Variants in RAI14 observed in about 807,000 individuals in gnomAD.
RAI14 encodes ankycorbin.
In RAI14, 45 loss-of-function variants were observed where a neutral mutation model predicts 115.4. The ratio of observed to expected loss-of-function variants is 0.39; its 90% confidence interval spans 0.31 to 0.50. RAI14 has a LOEUF of 0.50. RAI14 is among the 20% of genes least tolerant of loss of function. The probability of loss-of-function intolerance (pLI) is 0.85; values close to 1 mark genes in which losing one functional copy is unlikely to be tolerated. For missense variants in RAI14, 939 were observed against 1,131.2 expected, an observed-to-expected ratio of 0.83 and a Z score of 2.44; for synonymous variants, 371 against 415.4, an observed-to-expected ratio of 0.89 and a Z score of 1.30.
At chr5:34,690,858 G>C (rs992930806) in intron 2 of RAI14, among the ~76,000 whole-genome samples, 1 of 152,146 alleles carries the variant, frequency 6.6e-6, no homozygotes, top group East Asian at 1.9e-4. Context: ...ATAGGATACA[G>C]GAGAAATGCA....
Position 34,823,465 on chromosome 5 carries a change from T to G in RAI14, c.1623T>G (p.Asn541Lys), listed in dbSNP as rs975168086. The G allele has an allele frequency of 1.2e-6, 2 of 1,613,820 alleles. No homozygotes were observed. The highest frequency in any genetic ancestry group is 1.3e-5 in the African/African-American group (1 of 74,828). ...EINVLKQDLQNALEESERNKE... is the reference protein window; with the variant it reads ...EINVLKQDLQKALEESERNKE... ...ATGTGCTAAAGCAGGATCTGCAGAA[T>G]GCATTAGAAGAAAGTGAAAGAAATA... The change falls in exon 15 of 18, where the codon AAT (asparagine) becomes AAG (lysine). Residue 541 changes from asparagine to lysine, a missense_variant. By Grantham distance (94) the Asn-to-Lys change is moderately conservative. Coordinates refer to ENST00000265109, the MANE Select transcript of RAI14 (RefSeq NM_015577.3). This position sits in a 1 kb window ranked among gnomAD's most constrained non-coding sequence, Gnocchi z 4.5.
At chr5:34,674,535 C>A (rs897731824) in intron 1 of RAI14, among the ~76,000 whole-genome samples, 1 of 151,924 alleles carries the variant, frequency 6.6e-6, no homozygotes, top group Non-Finnish European at 1.5e-5. Flanking sequence ...TTTTTCATAA[C>A]CAATTCCTTT....
At chr5:34,683,094 G>A (rs956169943) in intron 1 of RAI14, among the ~76,000 whole-genome samples, 10 of 152,228 alleles carry the variant, frequency 6.6e-5, no homozygotes, top group African/African-American at 2.4e-4. Flanking sequence ...CGTTATTCCA[G>A]GGGCCACATT....
At position 34,824,395 on chromosome 5, in the gene RAI14, ACTT is replaced by A. The variant is rs1300560858; in HGVS notation, c.2556_2558del (p.Leu853del). On this transcript the variant is annotated inframe_deletion, in exon 15 of 18. Transcript: ENST00000265109. The stretch of plus-strand genomic sequence containing the variant: ...AATCCAAAGAGCAAGAAGTAAATGA[ACTT>A]CTGCAAAAATTCCAGCAAGCTCAGG... The A allele has an allele frequency of 1.2e-6, 2 of 1,609,992 alleles. No individual in the cohort carries two copies. The highest frequency in any genetic ancestry group is 1.7e-6 in the Non-Finnish European group (2 of 1,176,760).
Position 34,826,827 on chromosome 5 carries a change from G to C in RAI14, c.2799+348G>C, listed in dbSNP as rs920890935. On this transcript the variant is annotated intron_variant, in intron 16 of 17. Transcript: ENST00000265109. ...CTGGCAGTGGCAAGAGCTTTTTCTTGTTAGGGGCCAGGATCTCTAGTAGTT... is the reference window on the plus strand; with the variant it reads ...CTGGCAGTGGCAAGAGCTTTTTCTTCTTAGGGGCCAGGATCTCTAGTAGTT... 1.4e-4 allele frequency among the ~76,000 whole-genome samples: 22 copies of C among 152,094 alleles called. 1 individual carries two copies. The highest frequency in any genetic ancestry group is 2.1e-4 in the South Asian group (1 of 4,830).
chr5:34,705,884 T>G (rs1245622411), intron 2 of RAI14, among the ~76,000 whole-genome samples: 2 of 152,194 alleles, frequency 1.3e-5, no homozygotes, highest in Non-Finnish European at 2.9e-5. Context: ...TGACCTCAGA[T>G]GATCTGCCCA....
At chr5:34,696,281 G>A (rs895277551) in intron 2 of RAI14, among the ~76,000 whole-genome samples, 1 of 152,116 alleles carries the variant, frequency 6.6e-6, no homozygotes, top group Admixed American at 6.5e-5. Context: ...GGGACTACAG[G>A]TGCCTGCCAC....
At chr5:34,814,390 C>G (rs1755941513) in intron 11 of RAI14, among the ~76,000 whole-genome samples, 193 bp from the exon 12 acceptor site, 1 of 152,154 alleles carries the variant, frequency 6.6e-6, no homozygotes, top group Admixed American at 6.5e-5. Context: ...CAGTTATATT[C>G]TGTAAACTTT....
In RAI14 at chr5:34,824,113, C is replaced by T. The variant is rs368732461; in HGVS notation, c.2271C>T (p.His757=). 2 of 1,614,076 alleles carry T rather than the reference C, an allele frequency of 1.2e-6. No homozygotes were observed. Among genetic ancestry groups the T allele is most frequent in the Non-Finnish European group, 1.7e-6 (2 of 1,179,948 alleles). Residue 757 remains histidine (H), a synonymous_variant, in exon 15 of 18, where the codon CAC becomes CAT. Coordinates refer to ENST00000265109, the MANE Select transcript of RAI14 (RefSeq NM_015577.3). ...MEEKISNLKE[H]LASKEVEVAK... ...AAAAAATAAGCAATCTTAAGGAACA[C>T]CTTGCAAGCAAGGAAGTGGAAGTAG...
At chr5:34,807,298 G>C (rs1580326937) in intron 5 of RAI14, among the ~76,000 whole-genome samples, 1 of 152,248 alleles carries the variant, frequency 6.6e-6, no homozygotes, top group Middle Eastern at 3.4e-3. Context: ...GAGAGAGGAG[G>C]ACAGAAATGT....
intron 10 of RAI14, 116 bp downstream of exon 10, chr5:34,812,324 C>T (rs1300911861): frequency 1.1e-6 from 1 of 949,886 alleles, no homozygotes; most frequent in Non-Finnish European, 1.6e-6. Context: ...ATTGAAAATA[C>T]TTAGGGACTG....
chr5:34,686,797 G>A lies in RAI14; in HGVS notation c.-48-75G>A. 5 of 924,902 alleles carry A rather than the reference G, an allele frequency of 5.4e-6. 1 individual carries two copies. In the East Asian group the frequency reaches 1.3e-4, roughly 25 times the overall value. The allele number at this position is 924,902 out of a possible 1,614,324, so 57.3% of individuals were successfully genotyped here. On this transcript the variant is annotated intron_variant, in intron 1 of 17. Coordinates refer to ENST00000265109, the MANE Select transcript of RAI14 (RefSeq NM_015577.3). ...CAACCCTGCTCTGTCTCCTTCCCATGACCCAAGTTGTAATCCAATCAGGAG... is the reference window on the plus strand; with the variant it reads ...CAACCCTGCTCTGTCTCCTTCCCATAACCCAAGTTGTAATCCAATCAGGAG...
At chr5:34,692,780 T>C (rs535300257) in intron 2 of RAI14, among the ~76,000 whole-genome samples, 1 of 152,258 alleles carries the variant, frequency 6.6e-6, no homozygotes, top group South Asian at 2.1e-4. Flanking sequence ...GCTCACTGCC[T>C]GATTTTGCCT....
At chr5:34,681,544 AAGTGCAGT>A (rs1744379898) in intron 1 of RAI14, among the ~76,000 whole-genome samples, 1 of 152,044 alleles carries the variant, frequency 6.6e-6, no homozygotes, top group Non-Finnish European at 1.5e-5. Flanking sequence ...ATCCAGGCTG[AAGTGCAGT>A]AGCATGATCA....
At chr5:34,748,994 T>G (rs892167344) in intron 2 of RAI14, among the ~76,000 whole-genome samples, 6 of 152,160 alleles carry the variant, frequency 3.9e-5, no homozygotes, top group Non-Finnish European at 7.3e-5. Flanking sequence ...GTGGATATAG[T>G]CAACTGGGGA....
chr5:34,682,375 A>C (rs570256779), intron 1 of RAI14, among the ~76,000 whole-genome samples: 1 of 151,014 alleles, frequency 6.6e-6, no homozygotes, highest in Non-Finnish European at 1.5e-5. Flanking sequence ...CCCCATATCC[A>C]TTGTAAGGGT....
intron 2 of RAI14, among the ~76,000 whole-genome samples, chr5:34,749,544 C>T (rs1424005308): frequency 6.6e-6 from 1 of 152,224 alleles, no homozygotes; most frequent in Non-Finnish European, 1.5e-5. Flanking sequence ...ACCCGGTTGA[C>T]ATGATGTTTG....
rs900888494 is a variant in RAI14, at chr5:34,674,972, C to A, written c.-48-11900C>A. On this transcript the variant is annotated intron_variant, in intron 1 of 17. Transcript: ENST00000265109. ...AGTCCAGTGGTGTGATCTCAGCTCA[C>A]TGCAACCTCCACCTCCTGGGTTCAA... 2.0e-5 allele frequency among the ~76,000 whole-genome samples: 3 copies of A among 151,274 alleles called. No homozygotes were observed. In the East Asian group the frequency reaches 5.9e-4, roughly 30 times the overall value.
intron 2 of RAI14, 115 bp from the exon 3 acceptor site, chr5:34,757,353 G>A (rs536298334): frequency 4.2e-6 from 5 of 1,192,038 alleles, no homozygotes; most frequent in African/African-American, 1.5e-5. Flanking sequence ...TCATTCGGGA[G>A]CAGGCTTTAA....
Sources: allele counts gnomAD v4.1 joint callset (sites outside exome capture counted in the v4.1 genomes callset), GRCh38; gene constraint gnomAD v4.1.1; non-coding constraint Gnocchi (gnomAD v3.1); transcripts MANE v1.5; gene names NCBI Gene and HGNC (gene_info 2026-07-23, HGNC 2026-07-21).